SPECC1: variants seen among roughly 807,000 people sequenced by gnomAD.
The protein encoded by SPECC1 is sperm antigen with calponin homology and coiled-coil domains 1.
In SPECC1, 62 loss-of-function variants were observed where a neutral mutation model predicts 104.1. The observed-to-expected ratio is 0.60, with a 90% confidence interval of 0.49 to 0.74. The LOEUF (loss-of-function observed/expected upper bound fraction) is 0.74. Among genes scored for constraint, SPECC1 ranks in the 30% least tolerant of loss-of-function variants. The pLI is 0.00. For synonymous variants in SPECC1, 513 were observed against 501.6 expected (o/e 1.02, Z -0.30); for missense variants, 1,306 against 1,310.5 (o/e 1.00, Z 0.05).
chr17:20,285,742 TC>T (rs2040921664), intron 12 of SPECC1, among the ~76,000 whole-genome samples: 1 of 151,750 alleles, frequency 6.6e-6, no homozygotes, highest in Non-Finnish European at 1.5e-5. Flanking sequence ...CCTCCTTGTT[TC>T]CTTCTTCCCT....
At chr17:20,129,598 A>G (rs1252999873) in intron 3 of SPECC1, among the ~76,000 whole-genome samples, 11 of 151,988 alleles carry the variant, frequency 7.2e-5, no homozygotes, top group African/African-American at 1.9e-4. Flanking sequence ...TCTCTCTTTT[A>G]TCTTTTCAAC....
chr17:20,135,568 C>T (rs1045984347), intron 3 of SPECC1, among the ~76,000 whole-genome samples: 3 of 152,142 alleles, frequency 2.0e-5, no homozygotes, highest in Admixed American at 2.0e-4. Flanking sequence ...CCTCCCGCCT[C>T]AGCCTCTGGA....
chr17:20,244,260 T>C (rs2039328251), intron 7 of SPECC1, among the ~76,000 whole-genome samples: 1 of 152,144 alleles, frequency 6.6e-6, no homozygotes, highest in African/African-American at 2.4e-5. Flanking sequence ...ATTTTGTTTG[T>C]TGATGACCTT....
chr17:20,210,116 A>G (rs1037781712), intron 4 of SPECC1, among the ~76,000 whole-genome samples: 4 of 152,238 alleles, frequency 2.6e-5, no homozygotes, highest in African/African-American at 9.6e-5. Context: ...CAGAGATGGC[A>G]GAACCAGAAT....
chr17:20,161,529 A>T (rs1028697056), intron 3 of SPECC1, among the ~76,000 whole-genome samples: 1 of 152,210 alleles, frequency 6.6e-6, no homozygotes, highest in Non-Finnish European at 1.5e-5. Context: ...GTATTATTTA[A>T]TGGAGAACCA....
intron 3 of SPECC1, among the ~76,000 whole-genome samples, chr17:20,190,787 T>G (rs1325216296): frequency 6.6e-6 from 1 of 152,136 alleles, no homozygotes; most frequent in Non-Finnish European, 1.5e-5. Flanking sequence ...CCTCAAGCAA[T>G]TCTCCCACCT....
At chr17:20,042,199 C>T (rs991574079) in intron 1 of SPECC1, among the ~76,000 whole-genome samples, 2 of 152,200 alleles carry the variant, frequency 1.3e-5, no homozygotes, top group African/African-American at 4.8e-5. Flanking sequence ...CCAGGCTTTC[C>T]GCTCTGCTTC....
intron 3 of SPECC1, among the ~76,000 whole-genome samples, chr17:20,125,238 C>A (rs1363843170): frequency 6.6e-6 from 1 of 152,132 alleles, no homozygotes; most frequent in Non-Finnish European, 1.5e-5. Flanking sequence ...TTCCATCAAC[C>A]TAATTTACTG....
chr17:20,217,131 T>C (rs1363899846), intron 4 of SPECC1, among the ~76,000 whole-genome samples: 1 of 152,230 alleles, frequency 6.6e-6, no homozygotes, highest in Non-Finnish European at 1.5e-5. Flanking sequence ...TGGATTACTC[T>C]TTTCAAGTGA....
At chr17:20,065,299 A>T (rs2046320838) in intron 1 of SPECC1, among the ~76,000 whole-genome samples, 1 of 152,180 alleles carries the variant, frequency 6.6e-6, no homozygotes, top group Non-Finnish European at 1.5e-5. Context: ...GGCAAAACTC[A>T]GGCCCCAAGG....
At chr17:20,071,914 AG>A (rs1431073527) in intron 1 of SPECC1, among the ~76,000 whole-genome samples, 1 of 152,202 alleles carries the variant, frequency 6.6e-6, no homozygotes, top group Non-Finnish European at 1.5e-5. Flanking sequence ...ATCACATGAA[AG>A]GCTTAATAAT....
At chr17:20,050,791 T>C (rs946927817) in intron 1 of SPECC1, among the ~76,000 whole-genome samples, 13 of 152,220 alleles carry the variant, frequency 8.5e-5, no homozygotes, top group African/African-American at 2.9e-4. Flanking sequence ...TAGGCTCACA[T>C]TTGATAACTT....
chr17:20,071,246 A>C lies in SPECC1; in HGVS notation c.-21-25385A>C, dbSNP rs59347246. On this transcript the variant is annotated intron_variant, in intron 1 of 14. Coordinates refer to ENST00000395527, the MANE Select transcript of SPECC1 (RefSeq NM_001243439.2). Reference sequence around the variant, plus strand: ...CTAGATTAGTCATGCCATCTTTGTCATAATCTGAATTCTTATTTCTGGGCT... The same window carrying C: ...CTAGATTAGTCATGCCATCTTTGTCCTAATCTGAATTCTTATTTCTGGGCT... 6.2e-3 allele frequency among the ~76,000 whole-genome samples: 951 copies of C among 152,324 alleles called. 4 individuals carry two copies. The highest frequency in any genetic ancestry group is 0.02 in the African/African-American group (841 of 41,570).
intron 12 of SPECC1, among the ~76,000 whole-genome samples, chr17:20,273,943 T>C (rs1404767229): frequency 4.6e-5 from 7 of 152,054 alleles, no homozygotes; most frequent in Non-Finnish European, 7.4e-5. Flanking sequence ...CACGAGGGGG[T>C]GAGATTGTGA....
intron 4 of SPECC1, among the ~76,000 whole-genome samples, chr17:20,225,449 A>G (rs1453739087): frequency 2.0e-5 from 3 of 152,204 alleles, no homozygotes; most frequent in African/African-American, 7.2e-5. Flanking sequence ...CTGGAATGGA[A>G]GATTCCCCTC....
chr17:20,013,297 T>C (rs1275666918), intron 1 of SPECC1, among the ~76,000 whole-genome samples: 1 of 152,238 alleles, frequency 6.6e-6, no homozygotes, highest in Non-Finnish European at 1.5e-5. Flanking sequence ...CCGCAGAGGC[T>C]GAACCATTTT....
At chr17:20,266,206 G>A (rs912608004) in intron 12 of SPECC1, among the ~76,000 whole-genome samples, 1 of 152,198 alleles carries the variant, frequency 6.6e-6, no homozygotes, top group Non-Finnish European at 1.5e-5. Context: ...CAATCCATGA[G>A]CATGGAATGT....
At chr17:20,136,438 A>G (rs957529499) in intron 3 of SPECC1, among the ~76,000 whole-genome samples, 11 of 151,872 alleles carry the variant, frequency 7.2e-5, no homozygotes, top group Admixed American at 2.6e-4. Context: ...AAAAAAAAAA[A>G]AAAAATCTGT....
At chr17:20,258,838 A>T (rs768239850) in intron 11 of SPECC1, among the ~76,000 whole-genome samples, 2 of 152,208 alleles carry the variant, frequency 1.3e-5, no homozygotes, top group Non-Finnish European at 2.9e-5. Flanking sequence ...GGCGTCTTAC[A>T]CTTTTTTGGG....
Sources: gnomAD v4.1 joint callset for allele counts (sites outside exome capture counted in the v4.1 genomes callset) on GRCh38, gnomAD v4.1.1 for gene constraint, MANE v1.5 for transcripts, NCBI Gene and HGNC (gene_info 2026-07-23, HGNC 2026-07-21) for gene names.